Variants in UNC13C observed in about 807,000 individuals in gnomAD.
UNC13C encodes the protein protein unc-13 homolog C.
UNC13C carries 174 observed loss-of-function variants against 245.4 expected under a neutral mutation model. The observed-to-expected ratio is 0.71, with a 90% CI of 0.63 to 0.80. The LOEUF (loss-of-function observed/expected upper bound fraction) is 0.80. Ranked by LOEUF, UNC13C falls within the 30% of genes least tolerant of loss-of-function variation. The pLI is 0.00. For missense variants in UNC13C, 2,829 were observed against 2,602.9 expected (o/e 1.09, Z -1.89); for synonymous variants, 992 against 895.1 (o/e 1.11, Z -1.93).
In UNC13C at chr15:54,015,525, T is replaced by A. The variant is rs766520321; in HGVS notation, c.2622T>A (p.Asn874Lys). 13 of 1,613,022 alleles carry A rather than the reference T, an allele frequency of 8.1e-6. No homozygotes were observed. The highest frequency in any genetic ancestry group is 1.1e-5 in the Non-Finnish European group (13 of 1,179,366). The change falls in exon 2 of 33, where the codon AAT (asparagine) becomes AAA (lysine). Residue 874 changes from asparagine (N) to lysine (K), a missense_variant. Asn to Lys is a moderately conservative substitution (Grantham distance 94, BLOSUM62 0). Coordinates refer to ENST00000260323, the MANE Select transcript of UNC13C (RefSeq NM_001080534.3). Reference protein sequence around the residue: ...EEDYTEPVADNETDYVEVMEQ... With the variant: ...EEDYTEPVADKETDYVEVMEQ... ...ATTATACTGAACCAGTGGCTGACAA[T>A]GAAACAGATTATGTTGAAGTCATGG...
chr15:53,956,903 T>TGTGTGTGTGTGTGC, the UNC13C span, among the ~76,000 whole-genome samples: 1 of 151,646 alleles, frequency 6.6e-6, no homozygotes, highest in Non-Finnish European at 1.5e-5. Context: ...TGTGTGTGTG[T>TGTGTGTGTGTGTGC]GTGCATGCAC....
At chr15:54,269,305 T>G (rs2036627121) in intron 10 of UNC13C, among the ~76,000 whole-genome samples, 1 of 152,162 alleles carries the variant, frequency 6.6e-6, no homozygotes, top group Admixed American at 6.6e-5. Context: ...CTGCTTGATT[T>G]TTTTATGTGG....
chr15:54,246,609 T>A (rs1458161746), intron 7 of UNC13C, among the ~76,000 whole-genome samples: 5 of 152,148 alleles, frequency 3.3e-5, no homozygotes, highest in Admixed American at 6.5e-5. Context: ...AAAATACATA[T>A]TTTTTAGAAA....
intron 1 of UNC13C, among the ~76,000 whole-genome samples, chr15:54,000,134 G>T (rs1480144838): frequency 6.6e-6 from 1 of 152,096 alleles, no homozygotes; most frequent in East Asian, 1.9e-4. Flanking sequence ...GAAGTTTTAA[G>T]TTAGAATGGA....
At chr15:53,887,266 A>G in the UNC13C span, among the ~76,000 whole-genome samples, 47 of 152,296 alleles carry the variant, frequency 3.1e-4, no homozygotes, top group African/African-American at 1.1e-3. Context: ...TTATTAAAAT[A>G]TTGACTGCAT....
At chr15:54,115,818 T>A (rs1396150173) in intron 2 of UNC13C, among the ~76,000 whole-genome samples, 1 of 152,012 alleles carries the variant, frequency 6.6e-6, no homozygotes, top group African/African-American at 2.4e-5. Context: ...TGACATGATT[T>A]CCCTCAAGGC....
chr15:54,106,935 C>G (rs918881842), intron 2 of UNC13C, among the ~76,000 whole-genome samples: 1 of 152,228 alleles, frequency 6.6e-6, no homozygotes, highest in African/African-American at 2.4e-5. Flanking sequence ...CACTCTTGCT[C>G]TTATATGTTC....
chr15:54,177,911 T>C (rs2033669435), intron 4 of UNC13C, among the ~76,000 whole-genome samples: 1 of 152,104 alleles, frequency 6.6e-6, no homozygotes, highest in Non-Finnish European at 1.5e-5. Context: ...TTTTTCTCAT[T>C]TTTTTCTCTC....
At chr15:54,577,185 G>C (rs1477712126) in intron 30 of UNC13C, among the ~76,000 whole-genome samples, 1 of 141,538 alleles carries the variant, frequency 7.1e-6, no homozygotes, top group South Asian at 2.4e-4. Context: ...TATAAAATTA[G>C]AAAGAGAGAA....
At chr15:54,031,439 G>A (rs113188926) in intron 2 of UNC13C, among the ~76,000 whole-genome samples, 9,250 of 152,262 alleles carry the variant, frequency 0.061, 326 homozygotes, top group Non-Finnish European at 0.069. Context: ...TAGCCAGGAT[G>A]GTCTCAATCT....
chr15:54,061,861 C>G (rs1897852147), intron 2 of UNC13C, among the ~76,000 whole-genome samples: 1 of 152,130 alleles, frequency 6.6e-6, no homozygotes, highest in Non-Finnish European at 1.5e-5. Context: ...CCCCTTCATT[C>G]TTAGCATGGG....
chr15:53,985,362 TTTA>T (rs943139343), intron 1 of UNC13C, among the ~76,000 whole-genome samples: 2 of 151,960 alleles, frequency 1.3e-5, no homozygotes, highest in African/African-American at 4.8e-5. Context: ...TTTTTTAAAT[TTTA>T]TTATTATTAT....
chr15:53,921,755 T>C, the UNC13C span, among the ~76,000 whole-genome samples: 1 of 152,198 alleles, frequency 6.6e-6, no homozygotes, highest in Non-Finnish European at 1.5e-5. Context: ...AATGGGTGTG[T>C]TACGGCCACC....
chr15:54,142,276 A>C (rs373492339), intron 2 of UNC13C, among the ~76,000 whole-genome samples: 7 of 152,130 alleles, frequency 4.6e-5, no homozygotes, highest in Non-Finnish European at 1.0e-4. Context: ...CTTGCATTGC[A>C]TCTGAAAACT....
At chr15:53,950,172 G>T in the UNC13C span, among the ~76,000 whole-genome samples, 1 of 152,240 alleles carries the variant, frequency 6.6e-6, no homozygotes, top group South Asian at 2.1e-4. Flanking sequence ...AATGCAAAGA[G>T]GGGGCTTGGT....
rs116800293 is a variant in UNC13C, at chr15:54,152,705, A to G, written c.3071+9021A>G. On this transcript the variant is annotated intron_variant, in intron 4 of 32. Transcript: ENST00000260323. The stretch of plus-strand genomic sequence containing the variant: ...GAATAATCACTTGTGTTAGAAAATT[A>G]CCAGCTATTAGCTGGGAAACACTGA... 4.1e-3 allele frequency among the ~76,000 whole-genome samples: 631 copies of G among 152,320 alleles called. 7 individuals carry two copies. Among genetic ancestry groups the G allele is most frequent in the African/African-American group, 0.015 (607 of 41,578 alleles).
At chr15:54,305,430 T>C (rs569991138) in intron 13 of UNC13C, among the ~76,000 whole-genome samples, 51 of 152,254 alleles carry the variant, frequency 3.3e-4, no homozygotes, top group African/African-American at 1.2e-3. Context: ...GTTTCCACCA[T>C]ACTTTTAAAA....
chr15:54,440,765 G>A (rs548693270), intron 19 of UNC13C, among the ~76,000 whole-genome samples: 14 of 151,944 alleles, frequency 9.2e-5, no homozygotes, highest in East Asian at 7.8e-4. Context: ...ACTAATTTAC[G>A]TTTCCACCAA....
intron 17 of UNC13C, among the ~76,000 whole-genome samples, chr15:54,340,068 G>A (rs533039358): frequency 2.0e-5 from 3 of 152,156 alleles, no homozygotes; most frequent in Non-Finnish European, 4.4e-5. Context: ...TCATGTATTT[G>A]TTGGCCATTT....
Sources: gnomAD v4.1 joint callset for allele counts (sites outside exome capture counted in the v4.1 genomes callset) on GRCh38, gnomAD v4.1.1 for gene constraint, MANE v1.5 for transcripts, NCBI Gene and HGNC (gene_info 2026-07-23, HGNC 2026-07-21) for gene names.